Variants in NRG1 observed in about 807,000 individuals in gnomAD.
The protein encoded by NRG1 is pro-neuregulin-1, membrane-bound isoform.
NRG1 carries 18 observed loss-of-function variants against 63.8 expected under a neutral mutation model. The ratio of observed to expected loss-of-function variants is 0.28; its 90% confidence interval spans 0.19 to 0.42. The LOEUF is 0.42. NRG1 is among the 10% of genes least tolerant of loss of function. NRG1 has a pLI of 1.00. For synonymous variants in NRG1, 302 were observed against 301.3 expected (o/e 1.00, Z -0.02); for missense variants, 762 against 814.7 (o/e 0.94, Z 0.79).
intron 10 of NRG1, 111 bp from the exon 11 acceptor site, chr8:32,760,089 G>A (rs563129461): frequency 8.3e-6 from 10 of 1,201,534 alleles, no homozygotes; most frequent in South Asian, 5.6e-5. Flanking sequence ...AGTGAGCTCC[G>A]GGTGCATCAG....
At chr8:31,688,994 C>A (rs1384645152) in intron 1 of NRG1, among the ~76,000 whole-genome samples, 1 of 152,106 alleles carries the variant, frequency 6.6e-6, no homozygotes, top group East Asian at 1.9e-4. Context: ...TAGAGGCTGC[C>A]TTCATTCCTT....
At chr8:32,560,905 T>C (rs1003540911) in intron 1 of NRG1, among the ~76,000 whole-genome samples, 2 of 152,216 alleles carry the variant, frequency 1.3e-5, no homozygotes, top group Non-Finnish European at 2.9e-5. Flanking sequence ...GTTTGTTATA[T>C]GAATAAACGA....
chr8:32,248,194 T>C (rs1239232735), intron 1 of NRG1, among the ~76,000 whole-genome samples: 1 of 152,130 alleles, frequency 6.6e-6, no homozygotes, highest in Non-Finnish European at 1.5e-5. Flanking sequence ...TATTATGCCT[T>C]GTAGAATCTC....
At chr8:32,102,075 A>G (rs552456842) in intron 1 of NRG1, among the ~76,000 whole-genome samples, 2 of 152,178 alleles carry the variant, frequency 1.3e-5, no homozygotes, top group Non-Finnish European at 2.9e-5. Context: ...TCCTTTCATA[A>G]GAAGAGTTGG....
At chr8:32,743,033 A>G in intron 7 of NRG1, 7 of 1,169,672 alleles carry the variant, frequency 6.0e-6, no homozygotes, top group Non-Finnish European at 7.4e-6. Flanking sequence ...GAAATATGAT[A>G]ATAAAGGCAT....
intron 1 of NRG1, among the ~76,000 whole-genome samples, chr8:31,854,786 C>T (rs899160858): frequency 1.4e-4 from 21 of 152,136 alleles, no homozygotes; most frequent in African/African-American, 3.4e-4. Context: ...GCTTTGAATG[C>T]ATCCCAGAGA....
At chr8:32,090,763 C>G (rs4733294) in intron 1 of NRG1, among the ~76,000 whole-genome samples, 1 of 152,230 alleles carries the variant, frequency 6.6e-6, no homozygotes, top group Admixed American at 6.5e-5. Context: ...AATGACTTGC[C>G]TACAGTAAGA....
At chr8:31,835,417 T>C (rs1462380156) in intron 1 of NRG1, among the ~76,000 whole-genome samples, 2 of 152,230 alleles carry the variant, frequency 1.3e-5, no homozygotes, top group African/African-American at 4.8e-5. Flanking sequence ...ATCTGTGTCT[T>C]TGACTAGTAA....
rs565975260 is a variant in NRG1 at position 31,775,831 on chromosome 8, C to T, written c.37+136400C>T. 6.8e-5 allele frequency among the ~76,000 whole-genome samples: 9 copies of T among 132,246 alleles called. No individual in the cohort carries two copies. The East Asian group carries it at 2.3e-3, about 34-fold the overall frequency. 86.8% of individuals were successfully genotyped at this position (132,246 alleles called of 152,430 possible). A position where few individuals can be genotyped will look rare whatever the true frequency, so the allele number is the denominator to read the frequency against. ...CCAGGAGGTGGAGCTTGCAGTGAGCCGAGATCATGCCACCACACTCCAGCC... is the reference window on the plus strand; with the variant it reads ...CCAGGAGGTGGAGCTTGCAGTGAGCTGAGATCATGCCACCACACTCCAGCC... On this transcript the variant is annotated intron_variant, in intron 1 of 10. Coordinates refer to the NRG1 transcript ENST00000519301.
chr8:32,284,495 C>T (rs1247261895), intron 1 of NRG1, among the ~76,000 whole-genome samples: 1 of 119,234 alleles, frequency 8.4e-6, no homozygotes, highest in Non-Finnish European at 2.0e-5. Flanking sequence ...GCCTGCCTTC[C>T]TTCCTTCCTT....
At chr8:32,022,515 A>G (rs1194225110) in intron 1 of NRG1, among the ~76,000 whole-genome samples, 1 of 152,222 alleles carries the variant, frequency 6.6e-6, no homozygotes, top group Non-Finnish European at 1.5e-5. Flanking sequence ...TAAGTGGTCT[A>G]GAGTATATTC....
chr8:32,444,940 A>G (rs1480988097), intron 1 of NRG1, among the ~76,000 whole-genome samples: 2 of 152,230 alleles, frequency 1.3e-5, no homozygotes, highest in Non-Finnish European at 2.9e-5. Context: ...GCAAGATCAA[A>G]CAAAACAGTA....
chr8:31,663,060 A>T (rs1806163645), intron 1 of NRG1, among the ~76,000 whole-genome samples: 1 of 152,080 alleles, frequency 6.6e-6, no homozygotes, highest in South Asian at 2.1e-4. Context: ...TTCCGTGCTC[A>T]CTGCGTGGAT....
At chr8:32,677,838 T>C (rs767330716) in intron 5 of NRG1, among the ~76,000 whole-genome samples, 4 of 152,080 alleles carry the variant, frequency 2.6e-5, no homozygotes, top group Non-Finnish European at 2.9e-5. Context: ...CCCCCACAAA[T>C]CGCACTTATA....
intron 1 of NRG1, among the ~76,000 whole-genome samples, chr8:31,653,831 T>A (rs1481956132): frequency 2.6e-5 from 4 of 152,230 alleles, no homozygotes; most frequent in African/African-American, 9.6e-5. Context: ...ATTCACTCTG[T>A]CTCTCCCTGG....
chr8:32,221,695 G>A (rs1395983462), intron 1 of NRG1, among the ~76,000 whole-genome samples: 1 of 151,920 alleles, frequency 6.6e-6, no homozygotes, highest in Admixed American at 6.6e-5. Flanking sequence ...ATATTGATTG[G>A]GTACTGATTA....
chr8:32,526,617 C>T (rs1024684254), intron 1 of NRG1, among the ~76,000 whole-genome samples: 1 of 152,018 alleles, frequency 6.6e-6, no homozygotes, highest in African/African-American at 2.4e-5. Flanking sequence ...ACTGGAGTCC[C>T]CTCTCTCTCA....
chr8:32,353,740 C>A (rs1805960657), intron 1 of NRG1, among the ~76,000 whole-genome samples: 1 of 152,270 alleles, frequency 6.6e-6, no homozygotes, highest in South Asian at 2.1e-4. Context: ...TGACACAACC[C>A]TTTTGAAAAA....
chr8:31,770,535 C>CA (rs570981845), intron 1 of NRG1, among the ~76,000 whole-genome samples: 47 of 149,814 alleles, frequency 3.1e-4, no homozygotes, highest in South Asian at 1.7e-3. Flanking sequence ...CCAAACACCG[C>CA]ATGTTCTCAC....
Sources: gnomAD v4.1 joint callset for allele counts (sites outside exome capture counted in the v4.1 genomes callset) on GRCh38, gnomAD v4.1.1 for gene constraint, MANE v1.5 for transcripts, NCBI Gene and HGNC (gene_info 2026-07-23, HGNC 2026-07-21) for gene names.